The following WDR27 variants were observed in gnomAD, a reference collection of about 807,000 sequenced individuals.
WDR27 encodes WD repeat-containing protein 27.
In WDR27, 100 loss-of-function variants were observed where a neutral mutation model predicts 114.4. The observed-to-expected ratio is 0.87, with a 90% CI of 0.74 to 1.03. The LOEUF (loss-of-function observed/expected upper bound fraction) is 1.03. Among genes scored for constraint, WDR27 ranks in the 50% least tolerant of loss-of-function variants. The probability of loss-of-function intolerance (pLI) is 0.00; values close to 1 mark genes in which losing one functional copy is unlikely to be tolerated. For synonymous variants in WDR27, 449 were observed against 423.1 expected, an observed-to-expected ratio of 1.06 and a Z score of -0.75; for missense variants, 1,129 against 1,092.9, an observed-to-expected ratio of 1.03 and a Z score of -0.47.
intron 25 of WDR27, among the ~76,000 whole-genome samples, chr6:169,486,067 G>A (rs902075564): frequency 2.6e-5 from 4 of 151,976 alleles, no homozygotes; most frequent in African/African-American, 9.7e-5. Context: ...CTAGTACCTG[G>A]ATGACAAAAT....
intron 25 of WDR27, among the ~76,000 whole-genome samples, chr6:169,475,113 C>T (rs1786961266): frequency 6.6e-6 from 1 of 152,214 alleles, no homozygotes; most frequent in Non-Finnish European, 1.5e-5. Flanking sequence ...AATTCTGTAA[C>T]TACATTACAT....
rs1819737616 is a variant in WDR27 at position 169,643,643 on chromosome 6, C to G, written c.1747+54G>C. The G allele has an allele frequency of 2.0e-5, 29 of 1,485,378 alleles. No homozygotes were observed. The Admixed American group carries it at 4.5e-4, about 23-fold the overall frequency. 92.0% of individuals were successfully genotyped at this position (1,485,378 alleles called of 1,614,324 possible). On this transcript the variant is annotated intron_variant, in intron 17 of 25. Coordinates refer to ENST00000448612, the MANE Select transcript of WDR27 (RefSeq NM_182552.5). The stretch of plus-strand genomic sequence containing the variant: ...TCCTTTAGCAACTGATAACCAGGAC[C>G]TAAGTGAGACCCATCCTTAAGTTCA...
At chr6:169,573,585 C>T (rs908633432) in intron 24 of WDR27, among the ~76,000 whole-genome samples, 1 of 151,960 alleles carries the variant, frequency 6.6e-6, no homozygotes, top group Admixed American at 6.6e-5. Context: ...CCATGTAGAC[C>T]GAGGGATGAC....
chr6:169,541,000 T>C (rs1056971509), intron 25 of WDR27, among the ~76,000 whole-genome samples: 1 of 152,208 alleles, frequency 6.6e-6, no homozygotes, highest in African/African-American at 2.4e-5. Context: ...GAAATCTTTA[T>C]TCTAGCCTTC....
chr6:169,660,725 G>A lies in WDR27; in HGVS notation c.1067C>T (p.Ser356Leu). 1.2e-6 allele frequency: 2 copies of A among 1,613,754 alleles called. No homozygotes were observed. Among genetic ancestry groups the A allele is most frequent in the South Asian group, 1.1e-5 (1 of 91,070 alleles). ...ENTRCVWIGS[S>L]VGLFVFNLAN... ...CAGGTTAAATACGAATAAGCCCACT[G>A]AGCTTCCGATCCACACACATCGGGT... Residue 356 changes from serine to leucine, a missense_variant, in exon 10 of 26, where the codon TCA (serine) becomes TTA (leucine). By Grantham distance (145) the Ser-to-Leu change is moderately radical. Transcript: ENST00000448612.
chr6:169,499,975 G>A (rs1022812066), intron 25 of WDR27, among the ~76,000 whole-genome samples: 1 of 152,190 alleles, frequency 6.6e-6, no homozygotes, highest in Non-Finnish European at 1.5e-5. Context: ...GAATGCCCAC[G>A]GTTCCTTCCC....
intron 23 of WDR27, among the ~76,000 whole-genome samples, chr6:169,586,871 A>AAAAAAAAAAAAAAAAAAAAAAAAAAAC (rs1804732155): frequency 6.7e-6 from 1 of 149,588 alleles, no homozygotes; most frequent in African/African-American, 2.4e-5. Flanking sequence ...AAAAAAAAAA[A>AAAAAAAAAAAAAAAAAAAAAAAAAAAC]AAAGGCAGTC....
At chr6:169,579,617 C>A (rs1803033073) in intron 24 of WDR27, among the ~76,000 whole-genome samples, 1 of 152,156 alleles carries the variant, frequency 6.6e-6, no homozygotes, top group Non-Finnish European at 1.5e-5. Flanking sequence ...CCCACTGGTA[C>A]CATGACAGAT....
chr6:169,625,299 G>A (rs1311905230), intron 21 of WDR27, among the ~76,000 whole-genome samples: 18 of 152,234 alleles, frequency 1.2e-4, no homozygotes, highest in Non-Finnish European at 1.5e-5. Context: ...CTCAAGATGA[G>A]ACTCTCACAG....
At chr6:169,512,581 G>T (rs1481046904) in intron 25 of WDR27, among the ~76,000 whole-genome samples, 3 of 152,278 alleles carry the variant, frequency 2.0e-5, no homozygotes, top group Non-Finnish European at 1.5e-5. Flanking sequence ...GCTACTGAGA[G>T]ATCATAAGTC....
intron 23 of WDR27, among the ~76,000 whole-genome samples, chr6:169,596,714 C>T (rs1349227307): frequency 6.6e-6 from 1 of 151,958 alleles, no homozygotes; most frequent in Non-Finnish European, 1.5e-5. Context: ...AATTTGGAGG[C>T]ATGTTGTGAA....
chr6:169,427,322 T>A, the WDR27 span, among the ~76,000 whole-genome samples: 80 of 152,278 alleles, frequency 5.3e-4, no homozygotes, highest in African/African-American at 1.9e-3. Flanking sequence ...ATTTAGAGTG[T>A]GATGACTGGG....
At chr6:169,507,081 A>C (rs954818307) in intron 25 of WDR27, among the ~76,000 whole-genome samples, 4 of 152,226 alleles carry the variant, frequency 2.6e-5, no homozygotes, top group African/African-American at 9.6e-5. Flanking sequence ...TTTAGAAATA[A>C]AATATTTTGA....
chr6:169,595,867 C>T (rs1361517538), intron 23 of WDR27, among the ~76,000 whole-genome samples: 1 of 147,180 alleles, frequency 6.8e-6, no homozygotes, highest in Non-Finnish European at 1.5e-5. Context: ...GTTTTATACT[C>T]AAAAAAAAAT....
chr6:169,583,031 G>T, intron 23 of WDR27, 97 bp from the exon 24 acceptor site: 1 of 1,017,390 alleles, frequency 9.8e-7, no homozygotes, highest in Non-Finnish European at 1.5e-6. Flanking sequence ...GATTAGTGTA[G>T]TTGATCAGAT....
intron 25 of WDR27, among the ~76,000 whole-genome samples, chr6:169,489,432 C>A (rs979212684): frequency 6.6e-6 from 1 of 152,192 alleles, no homozygotes; most frequent in African/African-American, 2.4e-5. Context: ...CACTGGGCAG[C>A]CACGCCCATC....
chr6:169,590,212 C>T (rs904986022), intron 23 of WDR27, among the ~76,000 whole-genome samples: 7 of 152,282 alleles, frequency 4.6e-5, no homozygotes, highest in African/African-American at 1.7e-4. Flanking sequence ...ACGTGACCTT[C>T]ATTTCCCTTT....
chr6:169,528,747 G>A (rs766379293), intron 25 of WDR27, among the ~76,000 whole-genome samples: 10 of 152,146 alleles, frequency 6.6e-5, no homozygotes, highest in African/African-American at 1.7e-4. Flanking sequence ...GGCAGGTCTC[G>A]AACTCCCGGC....
chr6:169,694,433 T>C (rs1351560300), intron 1 of WDR27, among the ~76,000 whole-genome samples: 2 of 152,262 alleles, frequency 1.3e-5, no homozygotes, highest in African/African-American at 2.4e-5. Flanking sequence ...ATTCTACTTT[T>C]ATAAATTTAT....
Sources: allele counts gnomAD v4.1 joint callset (sites outside exome capture counted in the v4.1 genomes callset), GRCh38; gene constraint gnomAD v4.1.1; transcripts MANE v1.5; gene names NCBI Gene and HGNC (gene_info 2026-07-23, HGNC 2026-07-21).